The following NMT1 variants were observed in gnomAD, a reference collection of about 807,000 sequenced individuals.
NMT1 encodes the protein N-myristoyltransferase 1, also known as glycylpeptide N-tetradecanoyltransferase 1.
In NMT1, 12 loss-of-function variants were observed where a neutral mutation model predicts 63.4. The observed-to-expected ratio is 0.19, with a 90% CI of 0.12 to 0.31. NMT1 has a LOEUF of 0.31. Ranked by LOEUF, NMT1 falls within the 10% of genes least tolerant of loss-of-function variation. NMT1 has a pLI of 1.00. For synonymous variants in NMT1, 228 were observed against 234.3 expected, an observed-to-expected ratio of 0.97 and a Z score of 0.25; for missense variants, 432 against 634.6, an observed-to-expected ratio of 0.68 and a Z score of 3.43.
chr17:45,074,600 T>C (rs1397528824), intron 1 of NMT1, among the ~76,000 whole-genome samples: 2 of 152,210 alleles, frequency 1.3e-5, no homozygotes, highest in Non-Finnish European at 2.9e-5. Context: ...AGGTTGGTCA[T>C]TGATGACTTC....
chr17:45,069,861 A>T (rs2053928484), intron 1 of NMT1, among the ~76,000 whole-genome samples: 1 of 151,544 alleles, frequency 6.6e-6, no homozygotes, highest in Non-Finnish European at 1.5e-5. Flanking sequence ...CCAGCCTGGC[A>T]ACAGTGAGAC....
At chr17:45,088,708 C>T (rs1220924596) in intron 3 of NMT1, among the ~76,000 whole-genome samples, 3 of 151,110 alleles carry the variant, frequency 2.0e-5, no homozygotes, top group Admixed American at 6.6e-5. Flanking sequence ...AAGCTGAGAT[C>T]GCACCACTGC....
intron 5 of NMT1, among the ~76,000 whole-genome samples, chr17:45,096,699 A>C (rs2054127015): frequency 6.6e-6 from 1 of 152,212 alleles, no homozygotes; most frequent in Non-Finnish European, 1.5e-5. Flanking sequence ...AGAGAGAGGC[A>C]TGGGCCGAAA....
intron 2 of NMT1, among the ~76,000 whole-genome samples, chr17:45,086,073 C>T (rs1265522732): frequency 5.3e-5 from 8 of 150,376 alleles, no homozygotes; most frequent in East Asian, 3.9e-4. Context: ...CCACCTCCCT[C>T]GGCCTCCCAA....
At chr17:45,078,708 C>T (rs118049816) in intron 1 of NMT1, among the ~76,000 whole-genome samples, 2,573 of 152,100 alleles carry the variant, frequency 0.017, 56 homozygotes, top group South Asian at 0.07. Flanking sequence ...ATTGCCCAGG[C>T]TGGAGTATAG....
rs1162519540 is a variant in NMT1, at chr17:45,104,515, T to G, written c.1333-344T>G. 2.7e-6 allele frequency: 3 copies of G among 1,122,372 alleles called. No homozygotes were observed. The highest frequency in any genetic ancestry group is 3.3e-6 in the Non-Finnish European group (3 of 913,296). The allele number at this position is 1,122,372 out of a possible 1,614,324, so 69.5% of individuals were successfully genotyped here. Reference sequence around the variant, plus strand: ...CCCCATGTAGCTGACCAGAGCCAGCTTCTCAGAGGAATGGGCTCAGGGTTT... The same window carrying G: ...CCCCATGTAGCTGACCAGAGCCAGCGTCTCAGAGGAATGGGCTCAGGGTTT... On this transcript the variant is annotated intron_variant, in intron 10 of 11. Transcript: ENST00000258960. The surrounding 1 kb of genome is among the most constrained non-coding windows in gnomAD (Gnocchi z 4.2).
At chr17:45,087,020 G>C (rs1051482215) in intron 3 of NMT1, among the ~76,000 whole-genome samples, 2 of 151,710 alleles carry the variant, frequency 1.3e-5, no homozygotes, top group African/African-American at 4.8e-5. Flanking sequence ...AAATAGCCAG[G>C]CATAGTGACA....
intron 4 of NMT1, among the ~76,000 whole-genome samples, chr17:45,095,350 C>T (rs375208725): frequency 1.3e-5 from 2 of 152,010 alleles, no homozygotes; most frequent in Non-Finnish European, 1.5e-5. Flanking sequence ...TCAGGTGATC[C>T]GCCCACCTCA....
At position 45,086,651 on chromosome 17, in the gene NMT1, G is replaced by A; in HGVS notation, c.384G>A (p.Leu128=). 1.2e-6 allele frequency: 2 copies of A among 1,609,096 alleles called. No individual in the cohort carries two copies. The highest frequency in any genetic ancestry group is 1.3e-5 in the African/African-American group (1 of 74,760). Residue 128 remains leucine, a splice_region_variant and synonymous_variant, in exon 3 of 12, where the codon CTG becomes CTA. Coordinates refer to ENST00000258960, the MANE Select transcript of NMT1 (RefSeq NM_021079.5). ...GGGATACGCAGCCCGTCCCCAAGCT[G>A]GGTATGTACATGCTTGCTTTCTTTG... The part of the protein sequence containing the change: ...QFWDTQPVPK[L]GEVVNTHGPV...
chr17:45,106,749 A>G lies in NMT1; in HGVS notation c.*1110A>G, dbSNP rs2054204994. ...CTTGTTGTGCCCCTTTCCAAGATAC[A>G]GCCTGCAAGTGGTAGCAAGAAGTGA... On this transcript the variant is annotated 3_prime_UTR_variant, in exon 12 of 12. Transcript: ENST00000258960. 6.5e-6 allele frequency: 1 copy of G among 152,676 alleles called. No individual in the cohort carries two copies. The highest frequency in any genetic ancestry group is 2.4e-5 in the African/African-American group (1 of 41,454). 9.5% of individuals were successfully genotyped at this position (152,676 alleles called of 1,614,324 possible). A position where few individuals can be genotyped will look rare whatever the true frequency, so the allele number is the denominator to read the frequency against.
At position 45,069,649 on chromosome 17, in the gene NMT1, C is replaced by T. The variant is rs533679928; in HGVS notation, c.131+8189C>T. ...TTTGCATCTCCACTGGTCTCTTTGACATCTCAGAGGATCCATTCTGAACTT... is the reference window on the plus strand; with the variant it reads ...TTTGCATCTCCACTGGTCTCTTTGATATCTCAGAGGATCCATTCTGAACTT... On this transcript the variant is annotated intron_variant, in intron 1 of 11. Coordinates refer to ENST00000258960, the MANE Select transcript of NMT1 (RefSeq NM_021079.5). Among the ~76,000 whole-genome samples, 425 of 152,218 alleles carry T rather than the reference C, an allele frequency of 2.8e-3. 1 individual carries two copies. Among genetic ancestry groups the T allele is most frequent in the African/African-American group, 9.2e-3 (381 of 41,542 alleles).
chr17:45,081,001 C>T (rs1022952997), intron 1 of NMT1, among the ~76,000 whole-genome samples: 2 of 152,158 alleles, frequency 1.3e-5, no homozygotes, highest in Non-Finnish European at 2.9e-5. Context: ...CTCCTGACCT[C>T]AAGTGATCCA....
chr17:45,087,322 C>T (rs1204031664), intron 3 of NMT1, among the ~76,000 whole-genome samples: 1 of 152,154 alleles, frequency 6.6e-6, no homozygotes, highest in Non-Finnish European at 1.5e-5. Context: ...TGGGCAAAGT[C>T]CCCAGCCTCT....
chr17:45,061,543 A>C, intron 1 of NMT1, 83 bp downstream of exon 1: 1 of 1,252,252 alleles, frequency 8.0e-7, no homozygotes, highest in Non-Finnish European at 1.1e-6. Flanking sequence ...CCGGGAGCTT[A>C]GTCTAGCCCC....
Position 45,061,356 on chromosome 17 carries a change from G to A in NMT1, c.27G>A (p.Val9=). The change falls in exon 1 of 12, where the codon GTG becomes GTA. Residue 9 remains valine, a synonymous_variant. Transcript: ENST00000258960. ...TGGCGGACGAGAGTGAGACAGCAGT[G>A]AAGCCGCCGGCACCTCCGCTGCCGC... MADESETA[V]KPPAPPLPQM... 6 of 1,613,960 alleles carry A rather than the reference G, an allele frequency of 3.7e-6. No homozygotes were observed. Among genetic ancestry groups the A allele is most frequent in the Non-Finnish European group, 5.1e-6 (6 of 1,179,982 alleles).
At chr17:45,094,153 C>G (rs4793168) in intron 4 of NMT1, among the ~76,000 whole-genome samples, 24,127 of 151,970 alleles carry the variant, frequency 0.16, 2,605 homozygotes, top group African/African-American at 0.29. Flanking sequence ...CCCCGGCCAC[C>G]CAGAGCCCCT....
Position 45,098,452 on chromosome 17 carries a change from G to C in NMT1, c.784G>C (p.Val262Leu). 1 of 1,614,200 alleles carries C rather than the reference G, an allele frequency of 6.2e-7. No individual in the cohort carries two copies. Among genetic ancestry groups the C allele is most frequent in the Non-Finnish European group, 8.5e-7 (1 of 1,180,036 alleles). The change falls in exon 7 of 12, where the codon GTT becomes CTT. Residue 262 changes from valine (V) to leucine (L), a missense_variant. Transcript: ENST00000258960. Reference protein sequence around the residue: ...KKLRSKRVAPVLIREITRRVH... With the variant: ...KKLRSKRVAPLLIREITRRVH... ...GCTGCGTTCCAAGAGGGTTGCTCCA[G>C]TTCTGATCCGAGAGATCACCAGGCG...
At chr17:45,074,530 T>C (rs2053965652) in intron 1 of NMT1, among the ~76,000 whole-genome samples, 1 of 152,176 alleles carries the variant, frequency 6.6e-6, no homozygotes, top group Non-Finnish European at 1.5e-5. Context: ...AGATGACATT[T>C]CTTGATTGCT....
At chr17:45,063,783 C>G (rs62065835) in intron 1 of NMT1, among the ~76,000 whole-genome samples, 25,931 of 152,128 alleles carry the variant, frequency 0.17, 2,478 homozygotes, top group Admixed American at 0.23. Flanking sequence ...ATAGTCCCAG[C>G]TACTCCGGAG....
Sources: allele counts gnomAD v4.1 joint callset (sites outside exome capture counted in the v4.1 genomes callset), GRCh38; gene constraint gnomAD v4.1.1; non-coding constraint Gnocchi (gnomAD v3.1); transcripts MANE v1.5; gene names NCBI Gene and HGNC (gene_info 2026-07-23, HGNC 2026-07-21).